Variants in SVIL observed in about 807,000 individuals in gnomAD.
SVIL encodes the protein supervillin, also known as archvillin.
A neutral mutation model predicts 240.4 loss-of-function variants in SVIL; 101 were observed. That is an observed-to-expected ratio of 0.42 (90% confidence interval 0.36 to 0.50). The LOEUF (loss-of-function observed/expected upper bound fraction) is 0.50, where lower values mean the gene tolerates loss of function less well. SVIL is among the 20% of genes least tolerant of loss of function. The pLI is 0.01. For synonymous variants in SVIL, 999 were observed against 1,100.0 expected, an observed-to-expected ratio of 0.91 and a Z score of 1.82; for missense variants, 2,512 against 2,818.7, an observed-to-expected ratio of 0.89 and a Z score of 2.46.
chr10:29,701,583 A>G (rs1365838465), intron 1 of SVIL, among the ~76,000 whole-genome samples: 1 of 152,204 alleles, frequency 6.6e-6, no homozygotes, highest in Admixed American at 6.5e-5. Context: ...GAAACTGAAA[A>G]TAGGGAAATA....
intron 16 of SVIL, among the ~76,000 whole-genome samples, chr10:29,515,907 C>T (rs1208639520): frequency 1.3e-5 from 2 of 152,122 alleles, no homozygotes; most frequent in African/African-American, 4.8e-5. Context: ...CCATCTTATA[C>T]TCTGCTGATC....
intron 1 of SVIL, among the ~76,000 whole-genome samples, chr10:29,610,204 C>T (rs1321066722): frequency 6.6e-6 from 1 of 152,144 alleles, no homozygotes; most frequent in African/African-American, 2.4e-5. Context: ...CAATTCTTCC[C>T]TCACGCCCCA....
chr10:29,576,855 T>C (rs949749939), intron 1 of SVIL, among the ~76,000 whole-genome samples: 2 of 152,208 alleles, frequency 1.3e-5, no homozygotes, highest in African/African-American at 4.8e-5. Context: ...TAGTAGTATT[T>C]CTTTTATTCT....
At chr10:29,550,485 A>G (rs1953202509) in intron 6 of SVIL, 112 bp downstream of exon 6, 2 of 1,220,776 alleles carry the variant, frequency 1.6e-6, no homozygotes, top group Non-Finnish European at 2.2e-6. Context: ...TATTTCTCCA[A>G]TAAGCCTTGA....
chr10:29,563,793 C>A (rs1977386), intron 2 of SVIL, among the ~76,000 whole-genome samples: 20,752 of 152,072 alleles, frequency 0.14, 1,715 homozygotes, highest in East Asian at 0.26. Flanking sequence ...CATGAAGACT[C>A]GTGTTGGAAT....
At chr10:29,693,690 C>T (rs889242134) in intron 1 of SVIL, among the ~76,000 whole-genome samples, 2 of 151,980 alleles carry the variant, frequency 1.3e-5, no homozygotes, top group Non-Finnish European at 2.9e-5. Context: ...TTCCTTCTCC[C>T]GAAAAAACGT....
intron 15 of SVIL, among the ~76,000 whole-genome samples, chr10:29,523,078 T>C (rs2132531605): frequency 6.6e-6 from 1 of 152,280 alleles, no homozygotes; most frequent in African/African-American, 2.4e-5. Context: ...GAAGAAGCAC[T>C]CTAGCGATTC....
chr10:29,519,542 G>T (rs148629265), intron 16 of SVIL, among the ~76,000 whole-genome samples: 1 of 152,138 alleles, frequency 6.6e-6, no homozygotes, highest in Non-Finnish European at 1.5e-5. Flanking sequence ...ACAAAAGGGA[G>T]GGATTAAAGT....
chr10:29,465,808 A>T (rs2132287014), intron 33 of SVIL, 58 bp from the exon 34 acceptor site: 1 of 1,550,172 alleles, frequency 6.5e-7, no homozygotes, highest in South Asian at 1.2e-5. Flanking sequence ...TAAATTCCAG[A>T]TGAAGAATGA....
At chr10:29,674,207 C>T (rs989514395) in intron 2 of SVIL, among the ~76,000 whole-genome samples, 3 of 151,950 alleles carry the variant, frequency 2.0e-5, no homozygotes, top group African/African-American at 7.3e-5. Flanking sequence ...TGGTGGTGTG[C>T]ACCTGTGGTC....
chr10:29,583,445 G>T (rs1475472359), intron 1 of SVIL, among the ~76,000 whole-genome samples: 1 of 152,006 alleles, frequency 6.6e-6, no homozygotes, highest in Admixed American at 6.6e-5. Context: ...GACTACAGGG[G>T]CCCACCACCA....
At chr10:29,675,280 AC>A (rs1406624634) in intron 2 of SVIL, among the ~76,000 whole-genome samples, 1 of 152,144 alleles carries the variant, frequency 6.6e-6, no homozygotes, top group Admixed American at 6.6e-5. Context: ...TGGGAGGATC[AC>A]TTGAGGTTAG....
At chr10:29,627,227 TACTACCTTCC>T (rs5784145) in intron 1 of SVIL, among the ~76,000 whole-genome samples, 82,199 of 151,550 alleles carry the variant, frequency 0.54, 23,947 homozygotes, top group Non-Finnish European at 0.66. Flanking sequence ...CACCTTGAAC[TACTACCTTCC>T]AGATACAAGG....
chr10:29,591,326 A>G (rs1316368958), intron 1 of SVIL, among the ~76,000 whole-genome samples: 2 of 152,188 alleles, frequency 1.3e-5, no homozygotes, highest in Admixed American at 6.5e-5. Flanking sequence ...CATGCCCTCA[A>G]GAAGAACCTG....
chr10:29,597,360 T>G (rs76960755), intron 1 of SVIL, among the ~76,000 whole-genome samples: 27 of 152,076 alleles, frequency 1.8e-4, no homozygotes, highest in African/African-American at 6.5e-4. Flanking sequence ...CCTTTTTTTT[T>G]CTCTTGGGCC....
At chr10:29,587,578 G>T (rs1956221665) in intron 1 of SVIL, among the ~76,000 whole-genome samples, 1 of 152,194 alleles carries the variant, frequency 6.6e-6, no homozygotes, top group South Asian at 2.1e-4. Flanking sequence ...CAGCCACAGG[G>T]TCCAGCTTAC....
chr10:29,632,260 G>A (rs984665049), intron 1 of SVIL, among the ~76,000 whole-genome samples: 2 of 152,074 alleles, frequency 1.3e-5, no homozygotes, highest in Admixed American at 1.3e-4. Flanking sequence ...GAGGCCGAGC[G>A]CTGGTAGATC....
chr10:29,635,314 T>A (rs1040858183), upstream of SVIL, among the ~76,000 whole-genome samples: 9 of 152,132 alleles, frequency 5.9e-5, no homozygotes, highest in African/African-American at 2.2e-4. Flanking sequence ...AACAGACATA[T>A]ATACAATGAA....
chr10:29,501,166 A>G (rs899950212), intron 17 of SVIL, among the ~76,000 whole-genome samples: 7 of 150,732 alleles, frequency 4.6e-5, no homozygotes, highest in African/African-American at 1.7e-4. Context: ...TATGACAACC[A>G]AACGCGATGC....
Sources: gnomAD v4.1 joint callset for allele counts (sites outside exome capture counted in the v4.1 genomes callset) on GRCh38, gnomAD v4.1.1 for gene constraint, MANE v1.5 for transcripts, NCBI Gene and HGNC (gene_info 2026-07-23, HGNC 2026-07-21) for gene names.